LRP1B: variants seen among roughly 807,000 people sequenced by gnomAD.
The protein encoded by LRP1B is low-density lipoprotein receptor-related protein 1B.
LRP1B carries 217 observed loss-of-function variants against 556.6 expected under a neutral mutation model. That is an observed-to-expected ratio of 0.39 (90% CI 0.35 to 0.44). LRP1B has a LOEUF of 0.44. Among genes scored for constraint, LRP1B ranks in the 20% least tolerant of loss-of-function variants. LRP1B has a pLI of 1.00. For missense variants in LRP1B, 5,053 were observed against 5,620.8 expected (o/e 0.90, Z 3.23); for synonymous variants, 2,047 against 1,865.8 (o/e 1.10, Z -2.50).
chr2:141,899,355 T>C (rs1699550911), intron 1 of LRP1B, among the ~76,000 whole-genome samples: 6 of 152,274 alleles, frequency 3.9e-5, no homozygotes. Context: ...CTGTGGTAAA[T>C]ACTTTTTATT....
chr2:140,318,560 G>C (rs1684629173), intron 82 of LRP1B, among the ~76,000 whole-genome samples: 1 of 151,940 alleles, frequency 6.6e-6, no homozygotes, highest in Non-Finnish European at 1.5e-5. Context: ...GATTTTAAAG[G>C]GCTATGTGTC....
At chr2:140,446,818 A>T (rs1686677782) in intron 63 of LRP1B, among the ~76,000 whole-genome samples, 1 of 152,170 alleles carries the variant, frequency 6.6e-6, no homozygotes, top group African/African-American at 2.4e-5. Context: ...AAGCAAACAC[A>T]GACAAATGGA....
intron 1 of LRP1B, among the ~76,000 whole-genome samples, chr2:141,816,213 G>A (rs1696541317): frequency 1.3e-5 from 2 of 152,138 alleles, no homozygotes; most frequent in African/African-American, 4.8e-5. Flanking sequence ...TGATTGCATT[G>A]AAGGATGCAA....
At chr2:140,714,502 T>C (rs565149805) in intron 37 of LRP1B, among the ~76,000 whole-genome samples, 1 of 152,090 alleles carries the variant, frequency 6.6e-6, no homozygotes, top group Non-Finnish European at 1.5e-5. Context: ...CAGATTGACA[T>C]GTAGCAGCAA....
chr2:140,653,924 C>T (rs2105325961), intron 41 of LRP1B, among the ~76,000 whole-genome samples: 1 of 146,044 alleles, frequency 6.8e-6, no homozygotes, highest in African/African-American at 2.5e-5. Context: ...ACTTGGGAGG[C>T]TGAGGCAGGA....
At chr2:141,233,990 A>C (rs16855024) in intron 5 of LRP1B, among the ~76,000 whole-genome samples, 2,226 of 152,262 alleles carry the variant, frequency 0.015, 38 homozygotes, top group African/African-American at 0.043. Context: ...GCACATCAAT[A>C]TTTCTGAAGT....
At chr2:140,736,340 G>A (rs761749190) in intron 35 of LRP1B, among the ~76,000 whole-genome samples, 6 of 151,994 alleles carry the variant, frequency 3.9e-5, no homozygotes, top group Non-Finnish European at 7.4e-5. Context: ...TACAGTAGGA[G>A]GGCAGTCCCA....
Position 140,922,971 on chromosome 2 carries a change from T to A in LRP1B, c.3313A>T (p.Ser1105Cys), listed in dbSNP as rs1694784254. The part of the protein sequence containing the change: ...CDHKTKFSCW[S>C]TGRCINKAWV... ...AAAAGCAATGTTCACTTACCTGTAC[T>A]CCAACAGGAAAACTTGGTTTTGTGG... The change falls in exon 21 of 91, where the codon AGT becomes TGT. Residue 1105 changes from serine to cysteine, a missense_variant. Ser to Cys is a moderately radical substitution (Grantham distance 112). Transcript: ENST00000389484. 2 of 1,612,064 alleles carry A rather than the reference T, an allele frequency of 1.2e-6. No individual in the cohort carries two copies. The highest frequency in any genetic ancestry group is 1.7e-6 in the Non-Finnish European group (2 of 1,178,860).
In LRP1B at chr2:140,495,685, A is replaced by G; in HGVS notation, c.8914T>C (p.Cys2972Arg). The change falls in exon 56 of 91, where the codon TGC becomes CGC. Residue 2972 changes from cysteine (C) to arginine (R), a missense_variant. Transcript: ENST00000389484. ...DGKTCVDIDE[C>R]SSGFPCSQQC... ...TGGCTACAGGGAAAGCCTGAAGAGC[A>G]TTCATCAATGTCTACACATGTTTTG... 6.2e-7 allele frequency: 1 copy of G among 1,614,004 alleles called. No homozygotes were observed. Among genetic ancestry groups the G allele is most frequent in the Non-Finnish European group, 8.5e-7 (1 of 1,179,898 alleles).
At chr2:141,290,410 GT>G (rs1475881992) in intron 3 of LRP1B, among the ~76,000 whole-genome samples, 2 of 152,056 alleles carry the variant, frequency 1.3e-5, no homozygotes, top group African/African-American at 4.8e-5. Flanking sequence ...ATATTGGGTT[GT>G]TTATATGGTA....
intron 7 of LRP1B, among the ~76,000 whole-genome samples, chr2:141,077,141 G>A (rs963440943): frequency 6.6e-6 from 1 of 152,064 alleles, no homozygotes; most frequent in Non-Finnish European, 1.5e-5. Context: ...GCAGCTACTC[G>A]GGAGGCTGAG....
At chr2:140,560,009 G>A (rs1680872465) in intron 43 of LRP1B, among the ~76,000 whole-genome samples, 2 of 152,054 alleles carry the variant, frequency 1.3e-5, no homozygotes, top group Admixed American at 1.3e-4. Flanking sequence ...GTTTCATAGG[G>A]AATAAATAGT....
intron 2 of LRP1B, among the ~76,000 whole-genome samples, chr2:141,543,134 T>TTTAC (rs1685325032): frequency 6.6e-6 from 1 of 152,138 alleles, no homozygotes; most frequent in Non-Finnish European, 1.5e-5. Context: ...TAAAATTGGT[T>TTTAC]GTCTCTTGGA....
At chr2:141,391,043 T>C (rs1690031862) in intron 3 of LRP1B, among the ~76,000 whole-genome samples, 1 of 152,078 alleles carries the variant, frequency 6.6e-6, no homozygotes, top group Non-Finnish European at 1.5e-5. Context: ...ATTGATACAA[T>C]GAGTAAGAAC....
chr2:141,226,904 A>G (rs1683271405), intron 6 of LRP1B, among the ~76,000 whole-genome samples: 1 of 152,136 alleles, frequency 6.6e-6, no homozygotes, highest in Non-Finnish European at 1.5e-5. Context: ...ACTTTTTTCT[A>G]AAGTGACTAT....
At chr2:140,234,907 A>C (rs1680629998) in intron 89 of LRP1B, 23 bp from the exon 90 acceptor site, 1 of 756,688 alleles carries the variant, frequency 1.3e-6, no homozygotes, top group Non-Finnish European at 2.4e-6. Flanking sequence ...AGAAAATTTT[A>C]GTTTCTGATC....
intron 7 of LRP1B, among the ~76,000 whole-genome samples, chr2:141,177,246 G>A (rs1680777789): frequency 6.6e-6 from 1 of 152,108 alleles, no homozygotes; most frequent in South Asian, 2.1e-4. Flanking sequence ...GCCTGATAAT[G>A]AGGAATATGT....
intron 66 of LRP1B, among the ~76,000 whole-genome samples, chr2:140,438,747 A>G (rs1276889375): frequency 6.6e-6 from 1 of 152,220 alleles, no homozygotes; most frequent in Admixed American, 6.5e-5. Context: ...ATTGTACAAA[A>G]GCAGCAAATG....
At chr2:141,017,815 CA>C (rs1044260293) in intron 12 of LRP1B, among the ~76,000 whole-genome samples, 16 of 151,504 alleles carry the variant, frequency 1.1e-4, no homozygotes, top group African/African-American at 3.6e-4. Context: ...AGCAACATGG[CA>C]AAACCCCATC....
Sources: allele counts gnomAD v4.1 joint callset (sites outside exome capture counted in the v4.1 genomes callset), GRCh38; gene constraint gnomAD v4.1.1; transcripts MANE v1.5; gene names NCBI Gene and HGNC (gene_info 2026-07-23, HGNC 2026-07-21).